Variants in ZNF585A observed in about 807,000 individuals in gnomAD.
ZNF585A encodes the protein zinc finger protein 585A.
A neutral mutation model predicts 14.9 loss-of-function variants in ZNF585A; 9 were observed. The ratio of observed to expected loss-of-function variants is 0.60; its 90% CI spans 0.36 to 1.05. ZNF585A has a LOEUF of 1.05. ZNF585A is among the 50% of genes least tolerant of loss of function. The pLI is 0.01. For missense variants in ZNF585A, 726 were observed against 926.4 expected, an observed-to-expected ratio of 0.78 and a Z score of 2.81; for synonymous variants, 276 against 319.9, an observed-to-expected ratio of 0.86 and a Z score of 1.46.
intron 4 of ZNF585A, among the ~76,000 whole-genome samples, chr19:37,155,146 A>G (rs1362824153): frequency 1.3e-5 from 2 of 151,832 alleles, no homozygotes; most frequent in Admixed American, 6.6e-5. Context: ...GACTACAGGC[A>G]TCCACCACGG....
rs1971737096 is a variant in ZNF585A, at chr19:37,145,975, T to C, written c.*5614A>G. The C allele has an allele frequency of 6.6e-6, 1 of 152,190 alleles. No homozygotes were observed. Among genetic ancestry groups the C allele is most frequent in the Non-Finnish European group, 1.5e-5 (1 of 68,032 alleles). The allele number at this position is 152,190 out of a possible 1,614,324, so 9.4% of individuals were successfully genotyped here. A position where few individuals can be genotyped will look rare whatever the true frequency, so the allele number is the denominator to read the frequency against. ...TTTAAAACCATTAATAGAAACAATA[T>C]AATTATAGAATTAAGTAAAACTGTA... On this transcript the variant is annotated 3_prime_UTR_variant, in exon 5 of 5. Transcript: ENST00000292841.
At position 37,147,583 on chromosome 19, in the gene ZNF585A, CAT is replaced by C. The variant is rs1023860800; in HGVS notation, c.*4004_*4005del. The C allele has an allele frequency of 6.6e-6, 1 of 151,944 alleles. No individual in the cohort carries two copies. Among genetic ancestry groups the C allele is most frequent in the Non-Finnish European group, 1.5e-5 (1 of 67,968 alleles). 9.4% of individuals were successfully genotyped at this position (151,944 alleles called of 1,614,324 possible). A position where few individuals can be genotyped will look rare whatever the true frequency, so the allele number is the denominator to read the frequency against. ...AATTAGGTAATCATATAAAATAAAA[CAT>C]ATACTATAAAACAGGTACTATTATA... On this transcript the variant is annotated 3_prime_UTR_variant, in exon 5 of 5. Coordinates refer to ENST00000292841, the MANE Select transcript of ZNF585A (RefSeq NM_001288800.2).
intron 2 of ZNF585A, among the ~76,000 whole-genome samples, chr19:37,164,724 C>T (rs1189315267): frequency 1.3e-5 from 2 of 152,186 alleles, no homozygotes. Context: ...GTCACCTAGG[C>T]TGGATGTAGT....
chr19:37,152,766 C>G lies in ZNF585A; in HGVS notation c.1133G>C (p.Gly378Ala). Residue 378 changes from glycine to alanine, a missense_variant, in exon 5 of 5, where the codon GGA becomes GCA. Gly to Ala is a moderately conservative substitution (Grantham distance 60). Coordinates refer to ENST00000292841, the MANE Select transcript of ZNF585A (RefSeq NM_001288800.2). ...GTCACTGCATTCATAAGGTTTCTCT[C>G]CAGTGTGAATTCTCTGATGAATAAT... Reference protein sequence around the residue: ...ELIIHQRIHTGEKPYECSDCG... With the variant: ...ELIIHQRIHTAEKPYECSDCG... 6.2e-7 allele frequency: 1 copy of G among 1,614,174 alleles called. No homozygotes were observed. Among genetic ancestry groups the G allele is most frequent in the Non-Finnish European group, 8.5e-7 (1 of 1,180,028 alleles).
chr19:37,164,378 G>C (rs951096704), intron 2 of ZNF585A, among the ~76,000 whole-genome samples: 3 of 151,316 alleles, frequency 2.0e-5, no homozygotes, highest in African/African-American at 7.3e-5. Context: ...ACTCCAGCCG[G>C]GGCGACACAG....
chr19:37,151,489 T>C lies in ZNF585A; in HGVS notation c.*100A>G. ...AGCCATGTGTGACATTCTGCTGTGG[T>C]CATTTCTATTTACAATAATATACAT... is the stretch of plus-strand genomic sequence containing the variant. On this transcript the variant is annotated 3_prime_UTR_variant, in exon 5 of 5. Transcript: ENST00000292841. The C allele has an allele frequency of 1.6e-6, 2 of 1,277,948 alleles. No individual in the cohort carries two copies. Among genetic ancestry groups the C allele is most frequent in the Admixed American group, 2.6e-5 (1 of 38,222 alleles). The allele number at this position is 1,277,948 out of a possible 1,614,324, so 79.2% of individuals were successfully genotyped here. A position where few individuals can be genotyped will look rare whatever the true frequency, so the allele number is the denominator to read the frequency against.
chr19:37,172,466 A>G (rs1972197577), intron 1 of ZNF585A, 161 bp downstream of exon 1: 1 of 152,316 alleles, frequency 6.6e-6, no homozygotes, highest in South Asian at 2.1e-4. Flanking sequence ...CTCATCCCAA[A>G]GAGCTCCATC....
At chr19:37,171,936 T>G (rs1429652531) in intron 1 of ZNF585A, among the ~76,000 whole-genome samples, 1 of 150,984 alleles carries the variant, frequency 6.6e-6, no homozygotes, top group Non-Finnish European at 1.5e-5. Context: ...TTATTCCTAA[T>G]AATTTCACAT....
rs1396328123 is a variant in ZNF585A at position 37,150,931 on chromosome 19, A to G, written c.*658T>C. 1 of 155,954 alleles carries G rather than the reference A, an allele frequency of 6.4e-6. No individual in the cohort carries two copies. Among genetic ancestry groups the G allele is most frequent in the Admixed American group, 6.5e-5 (1 of 15,282 alleles). 9.7% of individuals were successfully genotyped at this position (155,954 alleles called of 1,614,324 possible). ...GGGCCCGTGAGGCTGAGAGACAGTC[A>G]TGGTAGATAATGAGGGGGGTGCAAG... On this transcript the variant is annotated 3_prime_UTR_variant, in exon 5 of 5. Coordinates refer to ENST00000292841, the MANE Select transcript of ZNF585A (RefSeq NM_001288800.2).
At chr19:37,165,446 G>A (rs1384167497) in intron 2 of ZNF585A, 2 of 151,702 alleles carry the variant, frequency 1.3e-5, no homozygotes, top group Admixed American at 1.3e-4. Flanking sequence ...ATTATTTTTA[G>A]TACAGTTTTG....
chr19:37,169,613 G>A (rs538785156), intron 2 of ZNF585A, among the ~76,000 whole-genome samples: 1 of 152,166 alleles, frequency 6.6e-6, no homozygotes, highest in African/African-American at 2.4e-5. Flanking sequence ...TTTCTTAATA[G>A]TCCACCTCTC....
rs1222606583 is a variant in ZNF585A, at chr19:37,146,615, A to G, written c.*4974T>C. The G allele has an allele frequency of 6.6e-6, 1 of 152,380 alleles. No individual in the cohort carries two copies. Among genetic ancestry groups the G allele is most frequent in the East Asian group, 1.9e-4 (1 of 5,170 alleles). 9.4% of individuals were successfully genotyped at this position (152,380 alleles called of 1,614,324 possible). ...ACATTCCTCTTGCTCCTGGGGTTCTATATTTTCCAGTGGCTGCTCCAGTGG... is the reference window on the plus strand; with the variant it reads ...ACATTCCTCTTGCTCCTGGGGTTCTGTATTTTCCAGTGGCTGCTCCAGTGG... On this transcript the variant is annotated 3_prime_UTR_variant, in exon 5 of 5. Coordinates refer to ENST00000292841, the MANE Select transcript of ZNF585A (RefSeq NM_001288800.2).
chr19:37,161,653 TTCC>T (rs1972015269), intron 2 of ZNF585A, among the ~76,000 whole-genome samples: 2 of 152,182 alleles, frequency 1.3e-5, no homozygotes, highest in African/African-American at 2.4e-5. Flanking sequence ...AACTCTCCTT[TTCC>T]TCCTACTCCT....
Position 37,153,173 on chromosome 19 carries a change from A to G in ZNF585A, c.726T>C (p.His242=). ...HEKIHTGERH[H]ECTDCGKAFT... ...ATGCTTTGCCACAGTCAGTGCATTC[A>G]TGGTGTCTCTCTCCAGTATGAATTT... is the stretch of plus-strand genomic sequence containing the variant. The change falls in exon 5 of 5, where the codon CAT becomes CAC. Residue 242 remains histidine, a synonymous_variant. Transcript: ENST00000292841. 6.2e-7 allele frequency: 1 copy of G among 1,614,154 alleles called. No individual in the cohort carries two copies. The highest frequency in any genetic ancestry group is 8.5e-7 in the Non-Finnish European group (1 of 1,180,018).
intron 2 of ZNF585A, among the ~76,000 whole-genome samples, chr19:37,164,265 T>TGG (rs1568498082): frequency 6.6e-6 from 1 of 151,762 alleles, no homozygotes. Flanking sequence ...TAGCAGGGCG[T>TGG]GGTGGCGGGC....
rs1971825663 is a variant in ZNF585A, at chr19:37,151,339, T to G, written c.*250A>C. 2.2e-6 allele frequency: 1 copy of G among 463,898 alleles called. No homozygotes were observed. Among genetic ancestry groups the G allele is most frequent in the African/African-American group, 2.0e-5 (1 of 50,906 alleles). The allele number at this position is 463,898 out of a possible 1,614,324, so 28.7% of individuals were successfully genotyped here. On this transcript the variant is annotated 3_prime_UTR_variant, in exon 5 of 5. Transcript: ENST00000292841. ...GTAGTTTTCATGAGAAGGCTTTTCCTATTCACCAAATTGACTCGGTTCCTT... is the reference window on the plus strand; with the variant it reads ...GTAGTTTTCATGAGAAGGCTTTTCCGATTCACCAAATTGACTCGGTTCCTT...
chr19:37,163,828 G>C (rs1330976410), intron 2 of ZNF585A, among the ~76,000 whole-genome samples: 1 of 151,638 alleles, frequency 6.6e-6, no homozygotes, highest in Non-Finnish European at 1.5e-5. Flanking sequence ...CACAAATATA[G>C]AGTATATAGT....
rs144805434 is a variant in ZNF585A at position 37,166,452 on chromosome 19, T to A, written c.72+3387A>T. ...CTCCTGCCTCAGCCTCCTGAGTAAC[T>A]GGGACTACAGGTGCGCACCACCACA... On this transcript the variant is annotated intron_variant, in intron 2 of 4. Coordinates refer to ENST00000292841, the MANE Select transcript of ZNF585A (RefSeq NM_001288800.2). Among the ~76,000 whole-genome samples the A allele has an allele frequency of 3.2e-3, 489 of 152,092 alleles. 4 individuals carry two copies. Among genetic ancestry groups the A allele is most frequent in the African/African-American group, 0.011 (467 of 41,484 alleles).
chr19:37,167,637 T>TATTTTATTTATTTTA (rs1972117700), intron 2 of ZNF585A, among the ~76,000 whole-genome samples: 1 of 151,008 alleles, frequency 6.6e-6, no homozygotes, highest in African/African-American at 2.5e-5. Flanking sequence ...TTATTTTATT[T>TATTTTATTTATTTTA]TTGAGATGGA....
Sources: gnomAD v4.1 joint callset for allele counts (sites outside exome capture counted in the v4.1 genomes callset) on GRCh38, gnomAD v4.1.1 for gene constraint, MANE v1.5 for transcripts, NCBI Gene and HGNC (gene_info 2026-07-23, HGNC 2026-07-21) for gene names.